Variants in SOS1 observed in about 807,000 individuals in gnomAD.
SOS1 encodes son of sevenless homolog 1.
SOS1 carries 25 observed loss-of-function variants against 157.6 expected under a neutral mutation model. That is an observed-to-expected ratio of 0.16 (90% CI 0.12 to 0.22). The LOEUF (loss-of-function observed/expected upper bound fraction) is 0.22. SOS1 is among the 10% of genes least tolerant of loss of function. The pLI is 1.00. For missense variants in SOS1, 1,237 were observed against 1,599.1 expected, an observed-to-expected ratio of 0.77 and a Z score of 3.86; for synonymous variants, 528 against 534.0, an observed-to-expected ratio of 0.99 and a Z score of 0.16.
At chr2:39,033,690 A>C (rs766083770) in intron 8 of SOS1, among the ~76,000 whole-genome samples, 2 of 152,072 alleles carry the variant, frequency 1.3e-5, no homozygotes, top group African/African-American at 2.4e-5. Context: ...GTGCACCACC[A>C]TTCCTGGCTA....
intron 17 of SOS1, among the ~76,000 whole-genome samples, chr2:39,004,122 A>G (rs1669202374): frequency 6.6e-6 from 1 of 152,140 alleles, no homozygotes; most frequent in Non-Finnish European, 1.5e-5. Context: ...CATATTAAAG[A>G]AGGAGGTCCC....
chr2:39,090,696 AAAACAAACAAAC>A (rs201702046), intron 1 of SOS1, among the ~76,000 whole-genome samples: 7 of 151,980 alleles, frequency 4.6e-5, no homozygotes, highest in South Asian at 2.1e-4. Context: ...CCTCTATCTC[AAAACAAACAAAC>A]AAACAAACAA....
upstream of SOS1, among the ~76,000 whole-genome samples, chr2:39,121,237 G>A (rs1488527855): frequency 6.6e-6 from 1 of 152,152 alleles, no homozygotes; most frequent in African/African-American, 2.4e-5. Context: ...GGCAAAGTGG[G>A]GCCTGCAAGG....
intron 11 of SOS1, among the ~76,000 whole-genome samples, chr2:39,014,470 T>C (rs949347198): frequency 6.6e-6 from 1 of 152,100 alleles, no homozygotes. Flanking sequence ...ACTTAGAACA[T>C]CTAACTCATC....
intron 1 of SOS1, among the ~76,000 whole-genome samples, chr2:39,077,320 CAAA>C (rs11362922): frequency 2.9e-4 from 40 of 138,390 alleles, no homozygotes; most frequent in Non-Finnish European, 3.5e-4. Context: ...ACTCCTTCTC[CAAA>C]AAAAAAAAAA....
chr2:39,074,634 G>A (rs1180973996), intron 1 of SOS1, among the ~76,000 whole-genome samples: 3 of 152,086 alleles, frequency 2.0e-5, no homozygotes, highest in Admixed American at 6.6e-5. Flanking sequence ...TTGGGAGGTC[G>A]AGGCAGGCAG....
In SOS1 at chr2:39,093,429, G is replaced by T. The variant is rs531498975; in HGVS notation, c.88-25676C>A. The stretch of plus-strand genomic sequence containing the variant: ...CTTCCACCAAGACATAAGAGGGTCA[G>T]AGTCCGACATAAAGGTGTTGAGTCT... On this transcript the variant is annotated intron_variant, in intron 1 of 22. Transcript: ENST00000402219. Among the ~76,000 whole-genome samples the T allele has an allele frequency of 2.0e-5, 3 of 152,312 alleles. No homozygotes were observed. In the South Asian group the frequency reaches 6.2e-4, roughly 32 times the overall value.
At chr2:39,095,619 C>A (rs1024580140) in intron 1 of SOS1, among the ~76,000 whole-genome samples, 6 of 152,180 alleles carry the variant, frequency 3.9e-5, no homozygotes, top group African/African-American at 1.2e-4. Context: ...CTAATGAGTT[C>A]TCTATTCTAG....
At chr2:39,116,605 T>C (rs1165908057) in intron 1 of SOS1, among the ~76,000 whole-genome samples, 1 of 152,246 alleles carries the variant, frequency 6.6e-6, no homozygotes, top group East Asian at 1.9e-4. Context: ...GCACAGTGGC[T>C]CACCCTGTAA....
chr2:39,065,057 C>A (rs893897846), intron 2 of SOS1, among the ~76,000 whole-genome samples: 4 of 151,876 alleles, frequency 2.6e-5, no homozygotes, highest in African/African-American at 9.7e-5. Flanking sequence ...TATGCCCAGT[C>A]TCTATATACA....
intron 1 of SOS1, among the ~76,000 whole-genome samples, chr2:39,089,288 C>A (rs1167371144): frequency 3.3e-5 from 5 of 152,120 alleles, no homozygotes; most frequent in Non-Finnish European, 5.9e-5. Flanking sequence ...CTTTGGCCAT[C>A]CCTGGCCAAC....
At chr2:39,033,069 T>C (rs1670220527) in intron 8 of SOS1, among the ~76,000 whole-genome samples, 1 of 150,408 alleles carries the variant, frequency 6.6e-6, no homozygotes, top group Admixed American at 6.6e-5. Context: ...AAATTCTTTT[T>C]CTTCTTTTTT....
rs74830230 is a variant in SOS1 at position 39,085,366 on chromosome 2, T to C, written c.88-17613A>G. ...TGCAGTTATCCTACCCTATTTTAAGTTTCAACCACATTTTAAGAGGTATTT... is the reference window on the plus strand; with the variant it reads ...TGCAGTTATCCTACCCTATTTTAAGCTTCAACCACATTTTAAGAGGTATTT... On this transcript the variant is annotated intron_variant, in intron 1 of 22. Transcript: ENST00000402219. 2.5e-3 allele frequency among the ~76,000 whole-genome samples: 377 copies of C among 152,300 alleles called. 3 individuals carry two copies. Among genetic ancestry groups the C allele is most frequent in the African/African-American group, 8.3e-3 (347 of 41,576 alleles).
chr2:39,054,783 TTAA>T lies in SOS1; in HGVS notation c.548_550del (p.Ile183del). On this transcript the variant is annotated inframe_deletion, in exon 5 of 23. Coordinates refer to ENST00000402219, the MANE Select transcript of SOS1 (RefSeq NM_005633.4). ...CTCTTCGTCAGTTAAAGATAATATA[TTAA>T]TATCTTCTACATCTTGATGAAACAT... 1 of 1,557,078 alleles carries T rather than the reference TTAA, an allele frequency of 6.4e-7. No homozygotes were observed. Among genetic ancestry groups the T allele is most frequent in the Non-Finnish European group, 8.9e-7 (1 of 1,128,262 alleles).
At chr2:39,000,823 G>A (rs767290796) in intron 17 of SOS1, among the ~76,000 whole-genome samples, 13 of 152,302 alleles carry the variant, frequency 8.5e-5, no homozygotes, top group African/African-American at 2.4e-4. Context: ...AAAGGTTTTC[G>A]ATTGAATGAA....
intron 8 of SOS1, among the ~76,000 whole-genome samples, chr2:39,034,331 T>G (rs1670268978): frequency 6.6e-6 from 1 of 152,214 alleles, no homozygotes; most frequent in South Asian, 2.1e-4. Flanking sequence ...ATTCATTGAT[T>G]CATTACAGAG....
intron 9 of SOS1, 161 bp downstream of exon 9, chr2:39,023,849 A>C: frequency 4.9e-6 from 3 of 616,472 alleles, no homozygotes; most frequent in Non-Finnish European, 8.5e-6. Flanking sequence ...TTTTTCAAAC[A>C]ATAACAATTC....
chr2:39,099,687 A>C (rs908335837), intron 1 of SOS1, among the ~76,000 whole-genome samples: 3 of 152,190 alleles, frequency 2.0e-5, no homozygotes, highest in Non-Finnish European at 2.9e-5. Context: ...GAAACAATCA[A>C]CACAATCAAA....
rs529749913 is a variant in SOS1 at position 39,013,923 on chromosome 2, G to C, written c.2007C>G (p.Pro669=). 6.2e-6 allele frequency: 10 copies of C among 1,606,312 alleles called. No individual in the cohort carries two copies. Among genetic ancestry groups the C allele is most frequent in the Middle Eastern group, 1.7e-4 (1 of 6,040 alleles). ...TAAATCTTTTCAGTTCTGCACTCAA[G>C]GGTTGATCTCCATTCTCTATAGCTA... is the stretch of plus-strand genomic sequence containing the variant. ...DRIAIENGDQ[P]LSAELKRFRK... Residue 669 remains proline (P), a synonymous_variant, in exon 12 of 23, where the codon CCC becomes CCG. Coordinates refer to ENST00000402219, the MANE Select transcript of SOS1 (RefSeq NM_005633.4).
Sources: gnomAD v4.1 joint callset for allele counts (sites outside exome capture counted in the v4.1 genomes callset) on GRCh38, gnomAD v4.1.1 for gene constraint, MANE v1.5 for transcripts, NCBI Gene and HGNC (gene_info 2026-07-23, HGNC 2026-07-21) for gene names.